The following NUDT19 variants were observed in gnomAD, a reference collection of about 807,000 sequenced individuals.
NUDT19 encodes the protein nudix hydrolase 19, also known as acyl-coenzyme A diphosphatase NUDT19.
A neutral mutation model predicts 22.2 loss-of-function variants in NUDT19; 31 were observed. The observed-to-expected ratio is 1.40, with a 90% CI of 1.05 to 1.89. The LOEUF is 1.89. Among genes scored for constraint, NUDT19 ranks in the 40% most tolerant of loss-of-function variants. The pLI is 0.00. For missense variants in NUDT19, 752 were observed against 514.2 expected, an observed-to-expected ratio of 1.46 and a Z score of -4.47; for synonymous variants, 325 against 230.8, an observed-to-expected ratio of 1.41 and a Z score of -3.70.
At chr19:32,707,546 G>C (rs1410661939) in intron 1 of NUDT19, among the ~76,000 whole-genome samples, 4 of 152,178 alleles carry the variant, frequency 2.6e-5, no homozygotes, top group Admixed American at 6.6e-5. Context: ...AGTAAACCAA[G>C]TAAAGAACAA....
Position 32,692,106 on chromosome 19 carries a change from G to A in NUDT19, c.146G>A (p.Arg49His), listed in dbSNP as rs942227545. ...AEGFRLLLLQ[R>H]SPHQGFMPGA... ...GGCTTCCGGCTGCTGCTGCTGCAGC[G>A]CTCCCCGCACCAAGGCTTCATGCCG... Residue 49 changes from arginine (R) to histidine (H), a missense_variant, in exon 1 of 3, where the codon CGC becomes CAC. Physicochemically the swap from Arg to His is conservative, Grantham distance 29. Coordinates refer to ENST00000397061, the MANE Select transcript of NUDT19 (RefSeq NM_001105570.2). 1.4e-5 allele frequency: 20 copies of A among 1,407,706 alleles called. No homozygotes were observed. The highest frequency in any genetic ancestry group is 3.2e-5 in the Admixed American group (1 of 31,176). The allele number at this position is 1,407,706 out of a possible 1,614,324, so 87.2% of individuals were successfully genotyped here. A position where few individuals can be genotyped will look rare whatever the true frequency, so the allele number is the denominator to read the frequency against.
Position 32,692,685 on chromosome 19 carries a change from C to G in NUDT19, c.714+11C>G, listed in dbSNP as rs920353235. The G allele has an allele frequency of 6.8e-7, 1 of 1,460,928 alleles. No homozygotes were observed. Among genetic ancestry groups the G allele is most frequent in the East Asian group, 2.6e-5 (1 of 39,052 alleles). 90.5% of individuals were successfully genotyped at this position (1,460,928 alleles called of 1,614,324 possible). A position where few individuals can be genotyped will look rare whatever the true frequency, so the allele number is the denominator to read the frequency against. On this transcript the variant is annotated intron_variant, in intron 1 of 2. Transcript: ENST00000397061. ...GTGGTGGGCTACCAGGTAAGGCCTG[C>G]TCAGGGCCTTGCTGCGGACCGCCAG...
intron 1 of NUDT19, among the ~76,000 whole-genome samples, chr19:32,693,237 T>C (rs919333543): frequency 1.3e-5 from 2 of 152,318 alleles, no homozygotes; most frequent in East Asian, 3.9e-4. Flanking sequence ...GATGTTCAGA[T>C]GTGTCTGGAG....
In NUDT19 at chr19:32,710,420, CAAAAAAA is replaced by C. The variant is rs34357522; in HGVS notation, c.922+1040_922+1046del. Reference sequence around the variant, plus strand: ...GTTAACTCTATCTCAACTGAAAATACAAAAAAAAAAAAAAAAAACAAATTAGCCAGGC... The same window carrying C: ...GTTAACTCTATCTCAACTGAAAATACAAAAAAAAAAACAAATTAGCCAGGC... On this transcript the variant is annotated intron_variant, in intron 2 of 2. Transcript: ENST00000397061. Among the ~76,000 whole-genome samples, 8 of 107,052 alleles carry C rather than the reference CAAAAAAA, an allele frequency of 7.5e-5. No individual in the cohort carries two copies. In the Admixed American group the frequency reaches 8.3e-4, roughly 11 times the overall value. 70.2% of individuals were successfully genotyped at this position (107,052 alleles called of 152,430 possible).
rs547936080 is a variant in NUDT19 at position 32,704,360 on chromosome 19, C to A, written c.715-4825C>A. Among the ~76,000 whole-genome samples, 8 of 151,968 alleles carry A rather than the reference C, an allele frequency of 5.3e-5. No homozygotes were observed. The South Asian group carries it at 1.5e-3, about 28-fold the overall frequency. On this transcript the variant is annotated intron_variant, in intron 1 of 2. Coordinates refer to ENST00000397061, the MANE Select transcript of NUDT19 (RefSeq NM_001105570.2). The stretch of plus-strand genomic sequence containing the variant: ...CACTGCAACCTCTGCCTCCCAGATT[C>A]AAGCAATTCTCCTGCCTCAGCCTCC...
chr19:32,705,830 C>T (rs1968381944), intron 1 of NUDT19, among the ~76,000 whole-genome samples: 1 of 152,060 alleles, frequency 6.6e-6, no homozygotes, highest in African/African-American at 2.4e-5. Flanking sequence ...GGTGATCCAC[C>T]CACCTCTGCC....
chr19:32,712,175 T>C lies in NUDT19; in HGVS notation c.*218T>C, dbSNP rs374674742. The C allele has an allele frequency of 7.3e-5, 32 of 438,844 alleles. No homozygotes were observed. The highest frequency in any genetic ancestry group is 6.4e-4 in the Middle Eastern group (1 of 1,560). The allele number at this position is 438,844 out of a possible 1,614,324, so 27.2% of individuals were successfully genotyped here. A position where few individuals can be genotyped will look rare whatever the true frequency, so the allele number is the denominator to read the frequency against. On this transcript the variant is annotated 3_prime_UTR_variant, in exon 3 of 3. Coordinates refer to ENST00000397061, the MANE Select transcript of NUDT19 (RefSeq NM_001105570.2). ...CTGGAAGCTCTGCCTCAGGGGTTCA[T>C]GCCATTCTCCTGCCTCAGCCTCCCG...
chr19:32,692,260 T>G lies in NUDT19; in HGVS notation c.300T>G (p.Ala100=). 1 of 1,591,986 alleles carries G rather than the reference T, an allele frequency of 6.3e-7. No individual in the cohort carries two copies. Among genetic ancestry groups the G allele is most frequent in the Non-Finnish European group, 8.5e-7 (1 of 1,177,400 alleles). ...GLGPAPFSRT[A]FPSLPDTDDH... is the part of the protein sequence containing the mutation. ...GCCCGGCGCCATTCAGCCGCACCGC[T>G]TTCCCGTCGCTGCCCGACACCGATG... is the stretch of plus-strand genomic sequence containing the variant. Residue 100 remains alanine (A), a synonymous_variant, in exon 1 of 3, where the codon GCT becomes GCG. Transcript: ENST00000397061.
In NUDT19 at chr19:32,705,423, C is replaced by CA. The variant is rs1006377161; in HGVS notation, c.715-3750dup. Among the ~76,000 whole-genome samples, 238 of 133,500 alleles carry CA rather than the reference C, an allele frequency of 1.8e-3. 1 individual carries two copies. Among genetic ancestry groups the CA allele is most frequent in the Middle Eastern group, 0.016 (4 of 258 alleles). 87.6% of individuals were successfully genotyped at this position (133,500 alleles called of 152,430 possible). Reference sequence around the variant, plus strand: ...TGGGTGACAGAGCGAGACTCTGTCTCAAAAAAAAAAAAGAAAAACAAAAAG... The same window carrying CA: ...TGGGTGACAGAGCGAGACTCTGTCTCAAAAAAAAAAAAAGAAAAACAAAAAG... On this transcript the variant is annotated intron_variant, in intron 1 of 2. Transcript: ENST00000397061.
At position 32,713,348 on chromosome 19, in the gene NUDT19, A is replaced by T. The variant is rs1235095662; in HGVS notation, c.*1391A>T. 6.6e-6 allele frequency: 1 copy of T among 152,028 alleles called. No homozygotes were observed. Among genetic ancestry groups the T allele is most frequent in the African/African-American group, 2.4e-5 (1 of 41,384 alleles). 9.4% of individuals were successfully genotyped at this position (152,028 alleles called of 1,614,324 possible). On this transcript the variant is annotated 3_prime_UTR_variant, in exon 3 of 3. Coordinates refer to ENST00000397061, the MANE Select transcript of NUDT19 (RefSeq NM_001105570.2). ...GCTAATCTTTGTATTTTTAGTAGAG[A>T]CGGGGTTTCACCATGTTGGCCAGTC...
intron 1 of NUDT19, among the ~76,000 whole-genome samples, chr19:32,702,509 G>A (rs1968346252): frequency 3.9e-5 from 6 of 152,114 alleles, no homozygotes; most frequent in African/African-American, 1.4e-4. Flanking sequence ...CACACAGGTG[G>A]AGACAGGAGA....
At chr19:32,697,310 A>AG (rs1968275620) in intron 1 of NUDT19, among the ~76,000 whole-genome samples, 1 of 152,062 alleles carries the variant, frequency 6.6e-6, no homozygotes, top group African/African-American at 2.4e-5. Context: ...TCGCTTTTGG[A>AG]GCTTTCTCCT....
At position 32,709,314 on chromosome 19, in the gene NUDT19, G is replaced by T. The variant is rs370801844; in HGVS notation, c.844G>T (p.Gly282Cys). 1 of 1,614,086 alleles carries T rather than the reference G, an allele frequency of 6.2e-7. No individual in the cohort carries two copies. Among genetic ancestry groups the T allele is most frequent in the South Asian group, 1.1e-5 (1 of 91,074 alleles). ...SLSDLHKFCLGRALEGLERWL... is the reference protein window; with the variant it reads ...SLSDLHKFCLCRALEGLERWL... The stretch of plus-strand genomic sequence containing the variant: ...CTCTGACTTGCACAAATTTTGTTTG[G>T]GTCGTGCATTAGAAGGACTGGAAAG... Residue 282 changes from glycine (G) to cysteine (C), a missense_variant, in exon 2 of 3, where the codon GGT (glycine) becomes TGT (cysteine). By Grantham distance (159) the Gly-to-Cys change is radical. Coordinates refer to ENST00000397061, the MANE Select transcript of NUDT19 (RefSeq NM_001105570.2).
In NUDT19 at chr19:32,692,049, C is replaced by A; in HGVS notation, c.89C>A (p.Ala30Asp). 1 of 1,288,470 alleles carries A rather than the reference C, an allele frequency of 7.8e-7. No homozygotes were observed. The allele number at this position is 1,288,470 out of a possible 1,614,324, so 79.8% of individuals were successfully genotyped here. ...GCTGGCTGGTCGCGCCCGGAGACCGCCACCCCGCCGTCGCGCCCGCCGCCG... is the reference window on the plus strand; with the variant it reads ...GCTGGCTGGTCGCGCCCGGAGACCGACACCCCGCCGTCGCGCCCGCCGCCG... Reference protein sequence around the residue: ...LAAGWSRPETATPPSRPPPAE... With the variant: ...LAAGWSRPETDTPPSRPPPAE... Residue 30 changes from alanine to aspartate, a missense_variant, in exon 1 of 3, where the codon GCC (alanine) becomes GAC (aspartate). Physicochemically the swap from Ala to Asp is moderately radical, Grantham distance 126. Coordinates refer to ENST00000397061, the MANE Select transcript of NUDT19 (RefSeq NM_001105570.2).
intron 1 of NUDT19, among the ~76,000 whole-genome samples, chr19:32,704,065 T>C (rs557500656): frequency 6.6e-6 from 1 of 152,338 alleles, no homozygotes; most frequent in South Asian, 2.1e-4. Context: ...TCTTGTAGTA[T>C]AGATCCTGTG....
chr19:32,708,830 C>G (rs1968415530), intron 1 of NUDT19, among the ~76,000 whole-genome samples: 1 of 152,218 alleles, frequency 6.6e-6, no homozygotes, highest in Admixed American at 6.5e-5. Flanking sequence ...TCTCCATCTA[C>G]TGTGATGAGT....
Position 32,711,870 on chromosome 19 carries a change from C to T in NUDT19, c.1041C>T (p.Arg347=). 1.2e-6 allele frequency: 2 copies of T among 1,613,450 alleles called. No individual in the cohort carries two copies. Among genetic ancestry groups the T allele is most frequent in the East Asian group, 2.2e-5 (1 of 44,874 alleles). ...TTCACCGGATAGTGACATACCATCG[C>T]CACCTTTATGATATCCACGTGACTG... ...KQFHRIVTYH[R]HLYDIHVTVQ... is the part of the protein sequence containing the mutation. Residue 347 remains arginine, a synonymous_variant, in exon 3 of 3, where the codon CGC becomes CGT. Coordinates refer to ENST00000397061, the MANE Select transcript of NUDT19 (RefSeq NM_001105570.2).
chr19:32,711,673 A>G (rs1350534777), intron 2 of NUDT19, 79 bp from the exon 3 acceptor site: 4 of 772,578 alleles, frequency 5.2e-6, no homozygotes, highest in African/African-American at 1.8e-5. Context: ...TACTCGATGG[A>G]ATTAAAATTT....
chr19:32,705,991 GC>G (rs1396850452), intron 1 of NUDT19, among the ~76,000 whole-genome samples: 1 of 152,076 alleles, frequency 6.6e-6, no homozygotes, highest in African/African-American at 2.4e-5. Context: ...ATAATCCTTG[GC>G]CCCAGGTGAC....
Sources: allele counts gnomAD v4.1 joint callset (sites outside exome capture counted in the v4.1 genomes callset), GRCh38; gene constraint gnomAD v4.1.1; transcripts MANE v1.5; gene names NCBI Gene and HGNC (gene_info 2026-07-23, HGNC 2026-07-21).